The following YEATS2 variants were observed in gnomAD, a reference collection of about 807,000 sequenced individuals.
YEATS2 encodes the protein YEATS domain containing 2.
In YEATS2, 77 loss-of-function variants were observed where a neutral mutation model predicts 163.2. The ratio of observed to expected loss-of-function variants is 0.47; its 90% confidence interval spans 0.39 to 0.57. YEATS2 has a LOEUF of 0.57. YEATS2 is among the 20% of genes least tolerant of loss of function. The pLI is 0.00. For synonymous variants in YEATS2, 631 were observed against 645.1 expected (o/e 0.98, Z 0.33); for missense variants, 1,549 against 1,729.8 (o/e 0.90, Z 1.85).
chr3:183,801,926 A>G (rs898739278), intron 25 of YEATS2: 1 of 158,000 alleles, frequency 6.3e-6, no homozygotes, highest in Non-Finnish European at 1.4e-5. Flanking sequence ...AGCTGGTGTC[A>G]TCTCCACTTA....
chr3:183,720,244 A>T (rs184158688), intron 4 of YEATS2, among the ~76,000 whole-genome samples: 13 of 152,276 alleles, frequency 8.5e-5, no homozygotes, highest in African/African-American at 3.1e-4. Flanking sequence ...TTAGTTTTTG[A>T]CATGTAAATG....
At chr3:183,733,026 T>C (rs1717969131) in intron 7 of YEATS2, among the ~76,000 whole-genome samples, 1 of 151,956 alleles carries the variant, frequency 6.6e-6, no homozygotes, top group Non-Finnish European at 1.5e-5. Context: ...TATGTCCAGC[T>C]AATTTTTTTA....
At chr3:183,700,171 C>A (rs886643659) in intron 1 of YEATS2, among the ~76,000 whole-genome samples, 1 of 152,034 alleles carries the variant, frequency 6.6e-6, no homozygotes, top group South Asian at 2.1e-4. Context: ...AAATAGGTAG[C>A]TTGACATACA....
chr3:183,713,377 A>G (rs376022031), intron 1 of YEATS2, among the ~76,000 whole-genome samples: 1 of 152,316 alleles, frequency 6.6e-6, no homozygotes, highest in Admixed American at 6.5e-5. Flanking sequence ...AGCCTGGCCA[A>G]CAAGGTGAAA....
intron 19 of YEATS2, among the ~76,000 whole-genome samples, chr3:183,782,077 G>A (rs758561954): frequency 5.3e-5 from 8 of 151,856 alleles, no homozygotes; most frequent in Admixed American, 2.0e-4. Context: ...TGTGTTAATC[G>A]TTTATTCTTT....
intron 25 of YEATS2, chr3:183,802,518 T>TACAC (rs1577223908): frequency 6.4e-5 from 9 of 141,392 alleles, no homozygotes; most frequent in East Asian, 5.9e-4. Flanking sequence ...TGTATACATG[T>TACAC]ATATATATAT....
intron 5 of YEATS2, 41 bp downstream of exon 5, chr3:183,722,177 G>A (rs1560234022): frequency 2.6e-6 from 4 of 1,565,762 alleles, no homozygotes; most frequent in Middle Eastern, 1.7e-4. Flanking sequence ...CACAGGAGAA[G>A]GGAACTATAT....
In YEATS2 at chr3:183,807,912, T is replaced by G. The variant is rs1232554840; in HGVS notation, c.4012-118T>G. ...TTCCCGTGAATTTTGCCCAATATGT[T>G]TGCAGAGTCCTCCTTCCAACCAGGC... On this transcript the variant is annotated intron_variant, in intron 28 of 30. Transcript: ENST00000305135. The G allele has an allele frequency of 8.1e-6, 6 of 738,918 alleles. No homozygotes were observed. In the Admixed American group the frequency reaches 1.3e-4, roughly 17 times the overall value. 45.8% of individuals were successfully genotyped at this position (738,918 alleles called of 1,614,324 possible).
At chr3:183,744,737 T>G (rs1288816151) in intron 8 of YEATS2, among the ~76,000 whole-genome samples, 1 of 152,196 alleles carries the variant, frequency 6.6e-6, no homozygotes, top group Non-Finnish European at 1.5e-5. Flanking sequence ...TTTAGTTAAC[T>G]CTTGGAGCCA....
chr3:183,717,517 G>T, intron 2 of YEATS2, 134 bp from the exon 3 acceptor site: 2 of 592,932 alleles, frequency 3.4e-6, no homozygotes, highest in Non-Finnish European at 5.8e-6. Flanking sequence ...TTCATCACTT[G>T]GTTAAGGTGA....
At chr3:183,800,607 G>A (rs1725580057) in intron 24 of YEATS2, 39 bp downstream of exon 24, 2 of 1,567,590 alleles carry the variant, frequency 1.3e-6, no homozygotes, top group Middle Eastern at 1.7e-4. Context: ...TTCCGCTTCG[G>A]GTGTTTGTCA....
chr3:183,709,821 G>A (rs1025847420), intron 1 of YEATS2, among the ~76,000 whole-genome samples: 1 of 151,794 alleles, frequency 6.6e-6, no homozygotes, highest in Non-Finnish European at 1.5e-5. Context: ...AGGACTACAG[G>A]TGCCCGCCAC....
intron 2 of YEATS2, among the ~76,000 whole-genome samples, chr3:183,716,518 T>C (rs1249283710): frequency 6.6e-6 from 1 of 152,090 alleles, no homozygotes; most frequent in Admixed American, 6.6e-5. Context: ...GTGAAAACAT[T>C]TTGCTGCAAC....
chr3:183,757,079 T>A (rs1319577912), intron 12 of YEATS2, among the ~76,000 whole-genome samples: 1 of 151,974 alleles, frequency 6.6e-6, no homozygotes, highest in African/African-American at 2.4e-5. Flanking sequence ...AAATAAAAAA[T>A]GATATTATTT....
At position 183,800,718 on chromosome 3, in the gene YEATS2, T is replaced by C. The variant is rs2108514774; in HGVS notation, c.3428+150T>C. On this transcript the variant is annotated intron_variant, in intron 24 of 30. Transcript: ENST00000305135. Reference sequence around the variant, plus strand: ...CCGTGCAGTGGACAAGTGTTACCACTTGATGCACAGCTGAGGGTCATCATT... The same window carrying C: ...CCGTGCAGTGGACAAGTGTTACCACCTGATGCACAGCTGAGGGTCATCATT... 4 of 627,318 alleles carry C rather than the reference T, an allele frequency of 6.4e-6. No homozygotes were observed. In the Middle Eastern group the frequency reaches 1.0e-3, roughly 161 times the overall value. The allele number at this position is 627,318 out of a possible 1,614,324, so 38.9% of individuals were successfully genotyped here.
At chr3:183,749,043 C>T (rs1213368666) in intron 9 of YEATS2, among the ~76,000 whole-genome samples, 6 of 151,830 alleles carry the variant, frequency 4.0e-5, no homozygotes, top group Admixed American at 2.6e-4. Context: ...CCCGGGTTCA[C>T]GCCATTCTCC....
intron 1 of YEATS2, among the ~76,000 whole-genome samples, chr3:183,699,524 C>T (rs1015800101): frequency 6.7e-6 from 1 of 148,496 alleles, no homozygotes; most frequent in African/African-American, 2.5e-5. Flanking sequence ...GCCTTGGCTA[C>T]AAGGCAGGAA....
Position 183,772,491 on chromosome 3 carries a change from C to T in YEATS2, c.2134C>T (p.Gln712Ter). Residue 712 changes from glutamine (Q) to a stop codon, truncating the protein, a stop_gained, in exon 16 of 31, where the codon CAG becomes TAG. Coordinates refer to ENST00000305135, the MANE Select transcript of YEATS2 (RefSeq NM_018023.5). LOFTEE classifies it high-confidence loss of function. ...VSGGGGTIVA[Q>*]PVQTLTKAQV... ...TGGAGGTGGAGGAACCATTGTTGCT[C>T]AGCCAGTGCAGACCTTAACCAAGGC... 1 of 1,614,154 alleles carries T rather than the reference C, an allele frequency of 6.2e-7. No homozygotes were observed. Among genetic ancestry groups the T allele is most frequent in the Non-Finnish European group, 8.5e-7 (1 of 1,180,040 alleles).
At chr3:183,796,726 C>CG (rs1353119070) in intron 21 of YEATS2, among the ~76,000 whole-genome samples, 1 of 151,850 alleles carries the variant, frequency 6.6e-6, no homozygotes, top group Non-Finnish European at 1.5e-5. Context: ...CATCAAAACA[C>CG]GGAATTTTAT....
Sources: allele counts gnomAD v4.1 joint callset (sites outside exome capture counted in the v4.1 genomes callset), GRCh38; gene constraint gnomAD v4.1.1; transcripts MANE v1.5; gene names NCBI Gene and HGNC (gene_info 2026-07-23, HGNC 2026-07-21).